The following CCDC60 variants were observed in gnomAD, a reference collection of about 807,000 sequenced individuals.
CCDC60 encodes coiled-coil domain-containing protein 60.
In CCDC60, 54 loss-of-function variants were observed where a neutral mutation model predicts 63.5. The observed-to-expected ratio is 0.85, with a 90% confidence interval of 0.68 to 1.07. CCDC60 has a LOEUF of 1.07. CCDC60 is among the 50% of genes least tolerant of loss of function. The pLI is 0.00. For missense variants in CCDC60, 651 were observed against 684.3 expected (o/e 0.95, Z 0.54); for synonymous variants, 206 against 238.8 (o/e 0.86, Z 1.27).
At chr12:119,354,770 C>T (rs1955699371) in intron 1 of CCDC60, among the ~76,000 whole-genome samples, 2 of 152,210 alleles carry the variant, frequency 1.3e-5, no homozygotes, top group Non-Finnish European at 2.9e-5. Flanking sequence ...CTGCTCCAAC[C>T]AGGGTCACAG....
chr12:119,414,170 C>G (rs1215040507), intron 1 of CCDC60, among the ~76,000 whole-genome samples: 1 of 152,080 alleles, frequency 6.6e-6, no homozygotes, highest in East Asian at 1.9e-4. Flanking sequence ...AGGCACGCAC[C>G]ACCACACCCA....
At chr12:119,512,819 C>T (rs1296068269) in intron 7 of CCDC60, among the ~76,000 whole-genome samples, 2 of 152,208 alleles carry the variant, frequency 1.3e-5, no homozygotes, top group African/African-American at 2.4e-5. Flanking sequence ...AAGGCTCTCC[C>T]TTTGGTTGCT....
chr12:119,430,667 CAA>C (rs57881806), intron 2 of CCDC60, among the ~76,000 whole-genome samples: 8 of 106,004 alleles, frequency 7.5e-5, no homozygotes, highest in Admixed American at 1.1e-4. Context: ...ACTCTGTCTC[CAA>C]AAAAAAAAAA....
At chr12:119,396,638 G>A (rs960502541) in intron 1 of CCDC60, among the ~76,000 whole-genome samples, 1 of 152,190 alleles carries the variant, frequency 6.6e-6, no homozygotes, top group African/African-American at 2.4e-5. Flanking sequence ...CCAGCACTTT[G>A]AGAGGCCAAG....
At chr12:119,518,737 C>T (rs1047096220) in intron 8 of CCDC60, among the ~76,000 whole-genome samples, 1 of 152,026 alleles carries the variant, frequency 6.6e-6, no homozygotes, top group African/African-American at 2.4e-5. Flanking sequence ...GTGGTGGGGA[C>T]GGTTGTTACT....
intron 1 of CCDC60, among the ~76,000 whole-genome samples, chr12:119,425,505 C>T (rs1446386732): frequency 1.3e-5 from 2 of 152,120 alleles, no homozygotes; most frequent in African/African-American, 4.8e-5. Context: ...CTGCAGGTAA[C>T]AGAAAACCTA....
At chr12:119,490,570 T>C (rs1341173628) in intron 5 of CCDC60, among the ~76,000 whole-genome samples, 1 of 151,916 alleles carries the variant, frequency 6.6e-6, no homozygotes, top group African/African-American at 2.4e-5. Context: ...TCTTCTTCTT[T>C]TTTTTTTTAA....
intron 1 of CCDC60, among the ~76,000 whole-genome samples, chr12:119,363,420 CCT>C (rs1260674371): frequency 2.0e-5 from 2 of 99,834 alleles, no homozygotes; most frequent in Admixed American, 2.5e-4. Context: ...AGGTATGAGT[CCT>C]CTGTGTGTGT....
At chr12:119,401,702 A>G (rs1256527583) in intron 1 of CCDC60, among the ~76,000 whole-genome samples, 2 of 152,262 alleles carry the variant, frequency 1.3e-5, no homozygotes, top group African/African-American at 4.8e-5. Context: ...AATTCAAGAT[A>G]TCCTCAATAA....
At chr12:119,529,473 T>C (rs1952779057) in intron 12 of CCDC60, among the ~76,000 whole-genome samples, 1 of 152,200 alleles carries the variant, frequency 6.6e-6, no homozygotes, top group East Asian at 1.9e-4. Context: ...TCTACTGAAC[T>C]GTGGTGTCCC....
At position 119,426,499 on chromosome 12, in the gene CCDC60, G is replaced by A. The variant is rs538497505; in HGVS notation, c.91-2184G>A. Among the ~76,000 whole-genome samples, 3 of 152,150 alleles carry A rather than the reference G, an allele frequency of 2.0e-5. No homozygotes were observed. The South Asian group carries it at 6.2e-4, about 32-fold the overall frequency. On this transcript the variant is annotated intron_variant, in intron 1 of 13. Transcript: ENST00000327554. Reference sequence around the variant, plus strand: ...GCTTCCTGAGCAGCTGGGATTACAGGCATGCACCACACATGCTTGGCTAAT... The same window carrying A: ...GCTTCCTGAGCAGCTGGGATTACAGACATGCACCACACATGCTTGGCTAAT...
chr12:119,337,824 TTGTGTGTGTGTGTG>T (rs60009617), intron 1 of CCDC60, among the ~76,000 whole-genome samples: 18 of 140,656 alleles, frequency 1.3e-4, no homozygotes, highest in South Asian at 9.6e-4. Flanking sequence ...GTGTGTGTAT[TTGTGTGTGTGTGTG>T]TGTGTGTGTG....
chr12:119,490,670 T>A (rs1951562177), intron 5 of CCDC60, among the ~76,000 whole-genome samples: 1 of 151,970 alleles, frequency 6.6e-6, no homozygotes, highest in Non-Finnish European at 1.5e-5. Context: ...GCTCAAACAA[T>A]CCTCCTGCCT....
intron 1 of CCDC60, among the ~76,000 whole-genome samples, chr12:119,398,228 C>T (rs1213816788): frequency 5.3e-5 from 8 of 151,538 alleles, no homozygotes; most frequent in Admixed American, 1.3e-4. Flanking sequence ...GAGTGCGGTG[C>T]GGGCAGGCCG....
intron 4 of CCDC60, among the ~76,000 whole-genome samples, chr12:119,486,703 G>C (rs779437083): frequency 3.3e-5 from 5 of 152,158 alleles, no homozygotes; most frequent in Non-Finnish European, 7.4e-5. Context: ...AGTACACAGA[G>C]GTGAGGGGAT....
At chr12:119,372,980 A>C (rs910836132) in intron 1 of CCDC60, among the ~76,000 whole-genome samples, 2 of 152,218 alleles carry the variant, frequency 1.3e-5, no homozygotes, top group African/African-American at 2.4e-5. Flanking sequence ...ACGTTACTGT[A>C]AAGAAAAATA....
intron 2 of CCDC60, among the ~76,000 whole-genome samples, chr12:119,462,588 A>G (rs1188605520): frequency 6.6e-6 from 1 of 152,198 alleles, no homozygotes; most frequent in East Asian, 1.9e-4. Context: ...CTTGTTAATT[A>G]CTACAAAAAG....
intron 3 of CCDC60, 147 bp downstream of exon 3, chr12:119,472,311 C>A: frequency 1.4e-6 from 1 of 722,084 alleles, no homozygotes; most frequent in African/African-American, 1.8e-5. Context: ...TAGTGTGGTC[C>A]AACCAACCTT....
At position 119,528,594 on chromosome 12, in the gene CCDC60, CTT is replaced by C; in HGVS notation, c.1230-19_1230-18del. ...AGGAGGGGATCTCATTCTTCTCTCT[CTT>C]TCTCATACAACCTTGTAGGCGCCAA... On this transcript the variant is annotated intron_variant, in intron 11 of 13. Transcript: ENST00000327554. 3 of 1,605,274 alleles carry C rather than the reference CTT, an allele frequency of 1.9e-6. No homozygotes were observed. Among genetic ancestry groups the C allele is most frequent in the African/African-American group, 1.3e-5 (1 of 74,718 alleles).
Sources: allele counts gnomAD v4.1 joint callset (sites outside exome capture counted in the v4.1 genomes callset), GRCh38; gene constraint gnomAD v4.1.1; transcripts MANE v1.5; gene names NCBI Gene and HGNC (gene_info 2026-07-23, HGNC 2026-07-21).